The following ASIC2 variants were observed in gnomAD, a reference collection of about 807,000 sequenced individuals.
The protein encoded by ASIC2 is acid sensing ion channel subunit 2.
In ASIC2, 25 loss-of-function variants were observed where a neutral mutation model predicts 57.3. That is an observed-to-expected ratio of 0.44 (90% CI 0.32 to 0.61). The LOEUF (loss-of-function observed/expected upper bound fraction) is 0.61. Ranked by LOEUF, ASIC2 falls within the 20% of genes least tolerant of loss-of-function variation. The pLI is 0.06. For synonymous variants in ASIC2, 319 were observed against 307.5 expected (o/e 1.04, Z -0.39); for missense variants, 641 against 738.1 (o/e 0.87, Z 1.52).
intron 3 of ASIC2, among the ~76,000 whole-genome samples, chr17:33,086,284 A>G (rs1202992096): frequency 6.6e-6 from 1 of 152,170 alleles, no homozygotes; most frequent in African/African-American, 2.4e-5. Context: ...GAAGTTACAC[A>G]CTGGATTCCA....
chr17:33,159,938 G>C (rs1039529048), intron 1 of ASIC2, among the ~76,000 whole-genome samples: 4 of 152,172 alleles, frequency 2.6e-5, no homozygotes, highest in Non-Finnish European at 4.4e-5. Flanking sequence ...GCTGGGTGCA[G>C]TGACTCATGC....
intron 1 of ASIC2, among the ~76,000 whole-genome samples, chr17:34,056,203 T>C (rs1192610682): frequency 6.6e-6 from 1 of 152,134 alleles, no homozygotes; most frequent in African/African-American, 2.4e-5. Context: ...AGAACAATAA[T>C]TTAGGCAACA....
In ASIC2 at chr17:33,288,921, C is replaced by T. The variant is rs150488115; in HGVS notation, c.708+2487G>A. On this transcript the variant is annotated intron_variant, in intron 1 of 9. Coordinates refer to ENST00000225823, the MANE Select transcript of ASIC2 (RefSeq NM_183377.2). ...AGAGTTCATGTTCTCAGCCACTACA[C>T]TTTGGTGCCACTCCATCAAAGATGA... Among the ~76,000 whole-genome samples, 616 of 152,270 alleles carry T rather than the reference C, an allele frequency of 4.0e-3. 2 individuals carry two copies. Among genetic ancestry groups the T allele is most frequent in the African/African-American group, 0.013 (549 of 41,558 alleles).
At chr17:33,976,358 G>C (rs1905386502) in intron 1 of ASIC2, among the ~76,000 whole-genome samples, 1 of 151,928 alleles carries the variant, frequency 6.6e-6, no homozygotes, top group African/African-American at 2.4e-5. Flanking sequence ...GTACACTCAG[G>C]GACTTGTGTC....
chr17:33,106,953 C>G (rs973790621), intron 2 of ASIC2, among the ~76,000 whole-genome samples: 1 of 152,140 alleles, frequency 6.6e-6, no homozygotes, highest in Admixed American at 6.5e-5. Flanking sequence ...GATTTAGGAG[C>G]CTTGGGTTCC....
chr17:33,770,830 C>T (rs983953178), intron 1 of ASIC2, among the ~76,000 whole-genome samples: 1 of 152,188 alleles, frequency 6.6e-6, no homozygotes, highest in Admixed American at 6.5e-5. Context: ...CAGAACTTGT[C>T]TTCCAGAAGA....
intron 1 of ASIC2, among the ~76,000 whole-genome samples, chr17:33,231,452 C>T (rs532552616): frequency 2.6e-5 from 4 of 152,130 alleles, no homozygotes; most frequent in Admixed American, 1.3e-4. Context: ...AATGGGGCCC[C>T]GTGAAGCATG....
rs1908372276 is a variant in ASIC2 at position 33,356,356 on chromosome 17, CA to C, written c.556-244290del. 3.3e-5 allele frequency among the ~76,000 whole-genome samples: 5 copies of C among 152,264 alleles called. No homozygotes were observed. In the South Asian group the frequency reaches 8.3e-4, roughly 25 times the overall value. On this transcript the variant is annotated intron_variant, in intron 1 of 9. Transcript: ENST00000359872. ...CAAGGAAGTTCTCCCAGTTGGTTAG[CA>C]GTGGGGCCAGGCTTCAGATCTATGT... is the stretch of plus-strand genomic sequence containing the variant.
At chr17:34,064,489 C>A (rs1315113016) in intron 1 of ASIC2, among the ~76,000 whole-genome samples, 2 of 152,096 alleles carry the variant, frequency 1.3e-5, no homozygotes, top group African/African-American at 4.8e-5. Context: ...TGACCAAAAA[C>A]TCAAAAGCAA....
intron 1 of ASIC2, among the ~76,000 whole-genome samples, chr17:33,802,748 T>C (rs1379233946): frequency 6.6e-6 from 1 of 152,280 alleles, no homozygotes; most frequent in Non-Finnish European, 1.5e-5. Flanking sequence ...TGTTTTTGTC[T>C]GCCGTTGGCC....
chr17:33,293,538 A>G (rs1243632399), upstream of ASIC2, among the ~76,000 whole-genome samples: 2 of 152,068 alleles, frequency 1.3e-5, no homozygotes. Flanking sequence ...TAGTATAACC[A>G]TTGTGCTGAT....
intron 1 of ASIC2, among the ~76,000 whole-genome samples, chr17:33,413,142 A>C (rs1308991042): frequency 6.6e-6 from 1 of 152,096 alleles, no homozygotes; most frequent in Non-Finnish European, 1.5e-5. Context: ...TGTGTTTCCA[A>C]GGTTCTTGGG....
At chr17:33,285,285 T>TA (rs1394084503) in intron 1 of ASIC2, among the ~76,000 whole-genome samples, 1 of 152,216 alleles carries the variant, frequency 6.6e-6, no homozygotes, top group Non-Finnish European at 1.5e-5. Flanking sequence ...TTCCCTAAAC[T>TA]AATTTCCCCG....
chr17:33,528,235 C>T (rs1053710881), intron 1 of ASIC2, among the ~76,000 whole-genome samples: 9 of 142,544 alleles, frequency 6.3e-5, no homozygotes, highest in Non-Finnish European at 1.1e-4. Flanking sequence ...AGCCAGTGGA[C>T]TTGCAGTACT....
intron 1 of ASIC2, among the ~76,000 whole-genome samples, chr17:33,812,251 T>C (rs1267863637): frequency 2.0e-5 from 3 of 152,158 alleles, no homozygotes; most frequent in Admixed American, 2.0e-4. Flanking sequence ...AGCAATGCCA[T>C]TTAATTGAGT....
chr17:33,833,715 T>A lies in ASIC2; in HGVS notation c.555+322263A>T, dbSNP rs1158908543. Among the ~76,000 whole-genome samples, 3 of 152,296 alleles carry A rather than the reference T, an allele frequency of 2.0e-5. No individual in the cohort carries two copies. The East Asian group carries it at 5.8e-4, about 29-fold the overall frequency. ...TTCTTTCTGAGATTTGTGTTTGATA[T>A]GTATGAAGGCATTAGTACTGCATCA... On this transcript the variant is annotated intron_variant, in intron 1 of 9. Transcript: ENST00000359872.
intron 1 of ASIC2, among the ~76,000 whole-genome samples, chr17:33,282,176 T>C (rs1022715475): frequency 2.0e-5 from 3 of 152,214 alleles, no homozygotes; most frequent in Admixed American, 2.0e-4. Context: ...TAATTTCCAA[T>C]TCTTGCTGTA....
chr17:33,875,223 A>G (rs1914518583), intron 1 of ASIC2, among the ~76,000 whole-genome samples: 1 of 152,216 alleles, frequency 6.6e-6, no homozygotes, highest in Admixed American at 6.5e-5. Flanking sequence ...TATTTGCTGA[A>G]TAAATGGAAA....
intron 1 of ASIC2, among the ~76,000 whole-genome samples, chr17:33,202,581 C>T (rs1057240854): frequency 2.0e-5 from 3 of 152,140 alleles, no homozygotes; most frequent in South Asian, 2.1e-4. Flanking sequence ...GGCAGCTGGA[C>T]TAGGACTTTG....
Sources: allele counts gnomAD v4.1 joint callset (sites outside exome capture counted in the v4.1 genomes callset), GRCh38; gene constraint gnomAD v4.1.1; transcripts MANE v1.5; gene names NCBI Gene and HGNC (gene_info 2026-07-23, HGNC 2026-07-21).